Variants in CTNNA3 observed in about 807,000 individuals in gnomAD.
CTNNA3 encodes catenin alpha-3.
In CTNNA3, 76 loss-of-function variants were observed where a neutral mutation model predicts 95.7. The ratio of observed to expected loss-of-function variants is 0.79; its 90% CI spans 0.66 to 0.96. The LOEUF (loss-of-function observed/expected upper bound fraction) is 0.96, where lower values mean the gene tolerates loss of function less well. Ranked by LOEUF, CTNNA3 falls within the 40% of genes least tolerant of loss-of-function variation. The probability of loss-of-function intolerance (pLI) is 0.00; values close to 1 mark genes in which losing one functional copy is unlikely to be tolerated. For synonymous variants in CTNNA3, 431 were observed against 374.4 expected (o/e 1.15, Z -1.74); for missense variants, 1,191 against 1,089.8 (o/e 1.09, Z -1.31).
intron 13 of CTNNA3, among the ~76,000 whole-genome samples, chr10:66,196,589 TCC>T (rs1266482763): frequency 7.2e-5 from 11 of 152,296 alleles, no homozygotes; most frequent in Admixed American, 3.9e-4. Context: ...AGGAACTAAC[TCC>T]CTCACTTTCA....
intron 13 of CTNNA3, among the ~76,000 whole-genome samples, chr10:66,183,043 G>A (rs1265153686): frequency 1.3e-5 from 2 of 152,160 alleles, no homozygotes; most frequent in Admixed American, 6.5e-5. Flanking sequence ...GGAGAGGAGG[G>A]AAGAAATCCA....
chr10:66,086,031 A>T (rs1271893718), intron 14 of CTNNA3, among the ~76,000 whole-genome samples: 1 of 152,168 alleles, frequency 6.6e-6, no homozygotes, highest in East Asian at 1.9e-4. Context: ...GTCAGAACAC[A>T]CACCAACATT....
intron 5 of CTNNA3, among the ~76,000 whole-genome samples, chr10:67,297,389 A>T (rs545741271): frequency 3.9e-5 from 6 of 152,258 alleles, no homozygotes; most frequent in African/African-American, 1.4e-4. Flanking sequence ...GGACATCTTT[A>T]CTTCTATAGG....
At chr10:66,494,635 G>T (rs1250880842) in intron 11 of CTNNA3, among the ~76,000 whole-genome samples, 1 of 151,818 alleles carries the variant, frequency 6.6e-6, no homozygotes, top group East Asian at 2.0e-4. Flanking sequence ...AAGAGAAATT[G>T]TCTCACCTGA....
intron 9 of CTNNA3, among the ~76,000 whole-genome samples, chr10:66,738,274 A>T (rs1011288995): frequency 6.6e-6 from 1 of 152,068 alleles, no homozygotes; most frequent in African/African-American, 2.4e-5. Context: ...CTGCATTCTT[A>T]ATGTACTTTT....
intron 7 of CTNNA3, among the ~76,000 whole-genome samples, chr10:67,153,098 C>T (rs1201307456): frequency 6.6e-6 from 1 of 152,036 alleles, no homozygotes; most frequent in Non-Finnish European, 1.5e-5. Context: ...GCCTCAGCCT[C>T]CCGAGTAGCT....
chr10:65,971,430 T>C (rs1464109822), intron 16 of CTNNA3, among the ~76,000 whole-genome samples: 1 of 144,488 alleles, frequency 6.9e-6, no homozygotes, highest in African/African-American at 2.5e-5. Flanking sequence ...GCTAGCTAGA[T>C]TAACAAAGAA....
chr10:67,062,712 C>T (rs1925585), intron 7 of CTNNA3, among the ~76,000 whole-genome samples: 7,476 of 152,210 alleles, frequency 0.049, 261 homozygotes, highest in Middle Eastern at 0.075. Context: ...CCCTGCATTG[C>T]CTGGAAGCTA....
At chr10:67,252,519 A>G (rs1384934975) in intron 5 of CTNNA3, among the ~76,000 whole-genome samples, 1 of 152,234 alleles carries the variant, frequency 6.6e-6, no homozygotes, top group African/African-American at 2.4e-5. Flanking sequence ...ATGCACTGTA[A>G]TAAAACTTAT....
At chr10:66,008,927 C>T (rs2078949970) in intron 15 of CTNNA3, among the ~76,000 whole-genome samples, 1 of 151,882 alleles carries the variant, frequency 6.6e-6, no homozygotes, top group Admixed American at 6.6e-5. Flanking sequence ...TGGTGAAACC[C>T]CATCTCCACT....
At chr10:66,387,988 T>C (rs1453263289) in intron 11 of CTNNA3, among the ~76,000 whole-genome samples, 1 of 152,030 alleles carries the variant, frequency 6.6e-6, no homozygotes, top group East Asian at 1.9e-4. Flanking sequence ...GAGAAACACC[T>C]AATGTAAATT....
intron 5 of CTNNA3, among the ~76,000 whole-genome samples, chr10:67,410,121 G>T (rs564962736): frequency 2.0e-4 from 31 of 152,190 alleles, no homozygotes; most frequent in Middle Eastern, 6.8e-3. Context: ...GCCCATCAAA[G>T]ATAGACTGGA....
Position 67,533,344 on chromosome 10 carries a change from C to T in CTNNA3, c.459+6159G>A, listed in dbSNP as rs190631755. On this transcript the variant is annotated intron_variant, in intron 4 of 17. Transcript: ENST00000433211. ...GTCTCAAAAAAAAAAAAAAGAAATCCATATGCCAATAAAACAAGATGTGGA... is the reference window on the plus strand; with the variant it reads ...GTCTCAAAAAAAAAAAAAAGAAATCTATATGCCAATAAAACAAGATGTGGA... Among the ~76,000 whole-genome samples, 173 of 151,576 alleles carry T rather than the reference C, an allele frequency of 1.1e-3. 2 individuals are homozygous for T. The highest frequency in any genetic ancestry group is 0.011 in the Admixed American group (164 of 15,216).
intron 3 of CTNNA3, among the ~76,000 whole-genome samples, chr10:67,564,360 G>C (rs1841665182): frequency 6.7e-6 from 1 of 149,028 alleles, no homozygotes; most frequent in Non-Finnish European, 1.5e-5. Flanking sequence ...GGATGGAGCT[G>C]GTAACCACCA....
intron 17 of CTNNA3, among the ~76,000 whole-genome samples, chr10:65,958,529 T>G (rs186736830): frequency 6.6e-6 from 1 of 152,218 alleles, no homozygotes; most frequent in Non-Finnish European, 1.5e-5. Context: ...TGGTTTTATC[T>G]ACCTTTGGTC....
intron 5 of CTNNA3, among the ~76,000 whole-genome samples, chr10:67,410,785 A>G (rs1215081994): frequency 1.3e-5 from 2 of 152,128 alleles, no homozygotes; most frequent in Admixed American, 1.3e-4. Flanking sequence ...TGCAGCCAAG[A>G]CACAAAATCA....
chr10:67,597,845 C>T (rs145923888), intron 3 of CTNNA3, among the ~76,000 whole-genome samples: 1 of 152,262 alleles, frequency 6.6e-6, no homozygotes, highest in Non-Finnish European at 1.5e-5. Context: ...TGAATGCACA[C>T]CAGCAAAGTG....
chr10:66,667,924 C>A (rs893260745), intron 9 of CTNNA3, among the ~76,000 whole-genome samples: 1 of 152,048 alleles, frequency 6.6e-6, no homozygotes, highest in Non-Finnish European at 1.5e-5. Context: ...AGCATATACT[C>A]TTATAGTGCC....
chr10:67,097,820 T>A, intron 7 of CTNNA3: 1 of 1,608,714 alleles, frequency 6.2e-7, no homozygotes, highest in Non-Finnish European at 8.5e-7. Context: ...TAGCCAGGGG[T>A]TGCTACCAAA....
Sources: allele counts gnomAD v4.1 joint callset (sites outside exome capture counted in the v4.1 genomes callset), GRCh38; gene constraint gnomAD v4.1.1; transcripts MANE v1.5; gene names NCBI Gene and HGNC (gene_info 2026-07-23, HGNC 2026-07-21).